The following RAB28 variants were observed in gnomAD, a reference collection of about 807,000 sequenced individuals.
RAB28 encodes RAB28, member RAS oncogene family.
A neutral mutation model predicts 31.7 loss-of-function variants in RAB28; 24 were observed. The observed-to-expected ratio is 0.76, with a 90% CI of 0.55 to 1.06. The LOEUF is 1.06. Among genes scored for constraint, RAB28 ranks in the 50% least tolerant of loss-of-function variants. RAB28 has a pLI of 0.00. For synonymous variants in RAB28, 100 were observed against 90.4 expected (o/e 1.11, Z -0.60); for missense variants, 254 against 258.5 (o/e 0.98, Z 0.12).
intron 5 of RAB28, among the ~76,000 whole-genome samples, chr4:13,377,719 G>A (rs1381233189): frequency 6.6e-6 from 1 of 152,184 alleles, no homozygotes; most frequent in Non-Finnish European, 1.5e-5. Flanking sequence ...AGGAGACCAA[G>A]TGTACAAAAA....
In RAB28 at chr4:13,462,265, C is replaced by T. The variant is rs183776528; in HGVS notation, c.262-1437G>A. Among the ~76,000 whole-genome samples the T allele has an allele frequency of 2.7e-3, 411 of 152,214 alleles. 2 individuals are homozygous for T. The highest frequency in any genetic ancestry group is 5.0e-3 in the Non-Finnish European group (337 of 68,000). ...TTTTCATGGTGTAAATGCTAGCCTG[C>T]GGTCATTTTTAAGCTATCAATGTGA... On this transcript the variant is annotated intron_variant, in intron 3 of 6. Transcript: ENST00000330852.
At chr4:13,433,517 CT>C (rs1713931702) in intron 4 of RAB28, among the ~76,000 whole-genome samples, 1 of 152,074 alleles carries the variant, frequency 6.6e-6, no homozygotes, top group South Asian at 2.1e-4. Context: ...TGAACAGACA[CT>C]TTCAAAAGAC....
chr4:13,466,068 C>T lies in RAB28; in HGVS notation c.262-5240G>A, dbSNP rs78437054. ...ATCTCACAACATATACAAAAACCAA[C>T]TCGAAATTGATTAACAATTTCAAAG... On this transcript the variant is annotated intron_variant, in intron 3 of 6. Transcript: ENST00000330852. 2.0e-4 allele frequency among the ~76,000 whole-genome samples: 30 copies of T among 151,996 alleles called. No homozygotes were observed. In the East Asian group the frequency reaches 5.8e-3, roughly 29 times the overall value.
chr4:13,381,328 AAAGT>A (rs1229345681), intron 5 of RAB28, among the ~76,000 whole-genome samples, 159 bp downstream of exon 5: 2 of 152,156 alleles, frequency 1.3e-5, no homozygotes, highest in African/African-American at 4.8e-5. Context: ...ATAAATTATA[AAAGT>A]AATATAACCA....
chr4:13,393,162 T>C (rs536087008), intron 4 of RAB28, among the ~76,000 whole-genome samples: 1 of 152,146 alleles, frequency 6.6e-6, no homozygotes, highest in Non-Finnish European at 1.5e-5. Context: ...AGACAATCTA[T>C]AACAGGAGTA....
intron 4 of RAB28, among the ~76,000 whole-genome samples, chr4:13,451,950 T>C (rs1714991661): frequency 6.6e-6 from 1 of 151,956 alleles, no homozygotes; most frequent in Non-Finnish European, 1.5e-5. Flanking sequence ...GGTCTATGTG[T>C]CTGTTTTAAT....
intron 4 of RAB28, among the ~76,000 whole-genome samples, chr4:13,397,428 G>A (rs556442120): frequency 4.6e-5 from 7 of 152,170 alleles, no homozygotes; most frequent in Admixed American, 4.6e-4. Flanking sequence ...CCTGGGAATA[G>A]TTATTCTTTA....
chr4:13,423,643 T>C (rs991127114), intron 4 of RAB28, among the ~76,000 whole-genome samples: 2 of 152,198 alleles, frequency 1.3e-5, no homozygotes, highest in African/African-American at 4.8e-5. Flanking sequence ...AATGGGACAG[T>C]TGATGAGCTT....
intron 4 of RAB28, among the ~76,000 whole-genome samples, chr4:13,455,714 C>A (rs1394749115): frequency 6.6e-6 from 1 of 152,198 alleles, no homozygotes; most frequent in South Asian, 2.1e-4. Flanking sequence ...AGAGTCAGGA[C>A]TTGCAAGAAC....
intron 4 of RAB28, among the ~76,000 whole-genome samples, chr4:13,414,506 T>G (rs960278351): frequency 2.6e-5 from 4 of 152,236 alleles, no homozygotes; most frequent in East Asian, 1.9e-4. Flanking sequence ...CTGATGATTT[T>G]ATAAATAAGT....
At position 13,460,508 on chromosome 4, in the gene RAB28, G is replaced by A. The variant is rs141923251; in HGVS notation, c.391+191C>T. 1.3e-3 allele frequency among the ~76,000 whole-genome samples: 202 copies of A among 152,192 alleles called. 1 individual carries two copies. The highest frequency in any genetic ancestry group is 4.6e-3 in the African/African-American group (191 of 41,526). ...TGGGACTACAAGCATTAGCCACTGC[G>A]CCCTGCCAGATGTCATTCTTAAGGG... On this transcript the variant is annotated intron_variant, in intron 4 of 6. Transcript: ENST00000330852.
intron 4 of RAB28, among the ~76,000 whole-genome samples, chr4:13,397,264 AAAC>A (rs1465216458): frequency 1.2e-4 from 19 of 152,136 alleles, no homozygotes; most frequent in African/African-American, 4.3e-4. Context: ...TTAAATGGCA[AAAC>A]AACATTATTT....
intron 4 of RAB28, among the ~76,000 whole-genome samples, chr4:13,432,035 C>A (rs1043180874): frequency 1.1e-4 from 16 of 152,020 alleles, no homozygotes; most frequent in Admixed American, 2.6e-4. Flanking sequence ...AAATCCAATA[C>A]AAAGAAACCA....
intron 1 of RAB28, among the ~76,000 whole-genome samples, chr4:13,482,347 A>T (rs1716642048): frequency 1.3e-5 from 2 of 152,218 alleles, no homozygotes; most frequent in African/African-American, 4.8e-5. Flanking sequence ...TACAATAAAT[A>T]CTGTTAGAAA....
At chr4:13,389,384 C>A (rs1310472122) in intron 4 of RAB28, among the ~76,000 whole-genome samples, 4 of 152,000 alleles carry the variant, frequency 2.6e-5, no homozygotes, top group African/African-American at 9.7e-5. Context: ...ATTTGTTTCA[C>A]AACAATATGA....
chr4:13,429,780 C>T (rs1713708876), intron 4 of RAB28, among the ~76,000 whole-genome samples: 1 of 152,100 alleles, frequency 6.6e-6, no homozygotes, highest in South Asian at 2.1e-4. Context: ...ACAAGCTGAT[C>T]CTAAAATTCA....
Position 13,427,428 on chromosome 4 carries a change from T to C in RAB28, c.391+33271A>G, listed in dbSNP as rs181111634. On this transcript the variant is annotated intron_variant, in intron 4 of 6. Transcript: ENST00000330852. ...CAAGAAACAAACAAGGTAAGCTTTA[T>C]AGTCACTCCTTCTGCCTACAGGTAC... Among the ~76,000 whole-genome samples the C allele has an allele frequency of 1.2e-4, 19 of 152,348 alleles. No homozygotes were observed. In the East Asian group the frequency reaches 1.4e-3, roughly 11 times the overall value.
At chr4:13,397,387 T>C (rs1393518081) in intron 4 of RAB28, among the ~76,000 whole-genome samples, 1 of 152,148 alleles carries the variant, frequency 6.6e-6, no homozygotes, top group Non-Finnish European at 1.5e-5. Flanking sequence ...CCTGTTTGGT[T>C]CTGGGGTGCT....
intron 4 of RAB28, among the ~76,000 whole-genome samples, chr4:13,383,225 T>C (rs1318214832): frequency 1.3e-5 from 2 of 152,158 alleles, no homozygotes; most frequent in African/African-American, 4.8e-5. Context: ...AGAACAAATC[T>C]TGTCACGAGG....
Sources: gnomAD v4.1 joint callset for allele counts (sites outside exome capture counted in the v4.1 genomes callset) on GRCh38, gnomAD v4.1.1 for gene constraint, MANE v1.5 for transcripts, NCBI Gene and HGNC (gene_info 2026-07-23, HGNC 2026-07-21) for gene names.